ALPK2: variants seen among roughly 807,000 people sequenced by gnomAD.
ALPK2 encodes alpha-protein kinase 2.
ALPK2 carries 127 observed loss-of-function variants against 163.1 expected under a neutral mutation model. The ratio of observed to expected loss-of-function variants is 0.78; its 90% CI spans 0.67 to 0.90. ALPK2 has a LOEUF of 0.90. Ranked by LOEUF, ALPK2 falls within the 40% of genes least tolerant of loss-of-function variation. ALPK2 has a pLI of 0.00. For synonymous variants in ALPK2, 953 were observed against 959.1 expected (o/e 0.99, Z 0.12); for missense variants, 2,360 against 2,589.6 (o/e 0.91, Z 1.92).
At position 58,534,999 on chromosome 18, in the gene ALPK2, T is replaced by C. The variant is rs17065127; in HGVS notation, c.5188A>G (p.Lys1730Glu). The change falls in exon 5 of 13, where the codon AAA (lysine) becomes GAA (glutamate). Residue 1730 changes from lysine (K) to glutamate (E), a missense_variant. Lys to Glu is a moderately conservative substitution (Grantham distance 56). Transcript: ENST00000361673. ...SGHLAEGVKK[K>E]ILSRVAALRL... ...AGTGCTGCCACCCTGGACAAAATTT[T>C]CTTCTTTACTCCCTCAGCTAAATGT... The C allele has an allele frequency of 0.026, 41,469 of 1,614,132 alleles. 922 individuals carry two copies. The highest frequency in any genetic ancestry group is 0.11 in the African/African-American group (8,330 of 75,018).
At chr18:58,578,742 A>ATGCGCG in intron 4 of ALPK2, 72 bp downstream of exon 4, 1 of 1,232,036 alleles carries the variant, frequency 8.1e-7, no homozygotes, top group Non-Finnish European at 1.1e-6. Context: ...AGACACACAC[A>ATGCGCG]CACACACACA....
intron 1 of ALPK2, among the ~76,000 whole-genome samples, chr18:58,613,783 G>A (rs1042368339): frequency 1.3e-4 from 20 of 151,462 alleles, no homozygotes; most frequent in South Asian, 4.2e-4. Flanking sequence ...TCAGGGCCCC[G>A]TGTGAAGACA....
At chr18:58,575,356 A>G (rs1187449164) in intron 4 of ALPK2, among the ~76,000 whole-genome samples, 4 of 152,248 alleles carry the variant, frequency 2.6e-5, no homozygotes, top group South Asian at 2.1e-4. Context: ...ATCAGCGAAC[A>G]GAATACACTG....
chr18:58,577,109 C>T (rs1568090708), intron 4 of ALPK2, among the ~76,000 whole-genome samples: 1 of 152,194 alleles, frequency 6.6e-6, no homozygotes, highest in East Asian at 1.9e-4. Context: ...GATAGATGAC[C>T]TGGGTCCCAG....
At chr18:58,555,592 T>A (rs1163739440) in intron 4 of ALPK2, among the ~76,000 whole-genome samples, 1 of 152,214 alleles carries the variant, frequency 6.6e-6, no homozygotes, top group African/African-American at 2.4e-5. Context: ...TCTGGAAATG[T>A]CCTTGCCAAC....
At chr18:58,623,450 G>A (rs1188765473) in intron 1 of ALPK2, among the ~76,000 whole-genome samples, 1 of 152,056 alleles carries the variant, frequency 6.6e-6, no homozygotes, top group Non-Finnish European at 1.5e-5. Flanking sequence ...CAGTACTGCA[G>A]CCAACGGTTC....
intron 5 of ALPK2, among the ~76,000 whole-genome samples, chr18:58,532,738 C>T (rs983781296): frequency 6.6e-6 from 1 of 152,172 alleles, no homozygotes; most frequent in Admixed American, 6.5e-5. Context: ...AGGCCATGTG[C>T]CATTCAAATT....
chr18:58,609,022 C>G (rs1028972003), intron 2 of ALPK2, among the ~76,000 whole-genome samples: 1 of 151,318 alleles, frequency 6.6e-6, no homozygotes, highest in East Asian at 1.9e-4. Flanking sequence ...GAAAGACAAA[C>G]GAAGTACAGA....
Position 58,482,001 on chromosome 18 carries a change from A to G in ALPK2, c.6335T>C (p.Ile2112Thr), listed in dbSNP as rs150798338. The G allele has an allele frequency of 1.8e-4, 291 of 1,614,066 alleles. No homozygotes were observed. Among genetic ancestry groups the G allele is most frequent in the South Asian group, 3.3e-4 (30 of 91,078 alleles). ...CTGGTGTAGTGCTTTAAACTGATCA[A>G]TGAAGGTCATGGAACAGTTGCCTTT... Reference protein sequence around the residue: ...GFKGNCSMTFIDQFKALHQCN... With the variant: ...GFKGNCSMTFTDQFKALHQCN... The change falls in exon 13 of 13, where the codon ATT (isoleucine) becomes ACT (threonine). Residue 2112 changes from isoleucine to threonine, a missense_variant. By Grantham distance (89) the Ile-to-Thr change is moderately conservative. Coordinates refer to ENST00000361673, the MANE Select transcript of ALPK2 (RefSeq NM_052947.4).
chr18:58,561,560 A>T (rs908027408), intron 4 of ALPK2, among the ~76,000 whole-genome samples: 15 of 152,138 alleles, frequency 9.9e-5, no homozygotes, highest in African/African-American at 3.1e-4. Context: ...AGAAAGGGGG[A>T]ATATAAGATG....
At chr18:58,573,402 A>G (rs1215149156) in intron 4 of ALPK2, among the ~76,000 whole-genome samples, 13 of 137,846 alleles carry the variant, frequency 9.4e-5, no homozygotes, top group African/African-American at 2.8e-4. Context: ...ATATGTGTGT[A>G]TATATATATG....
chr18:58,523,859 A>G lies in ALPK2; in HGVS notation c.5630-18T>C, dbSNP rs1302269594. 1 of 1,614,112 alleles carries G rather than the reference A, an allele frequency of 6.2e-7. No individual in the cohort carries two copies. Among genetic ancestry groups the G allele is most frequent in the African/African-American group, 1.3e-5 (1 of 74,950 alleles). The stretch of plus-strand genomic sequence containing the variant: ...TTTGAGAACTAGAAGAAGACAAAGC[A>G]GAGAATGGCTTCAGTACAGATGTCC... On this transcript the variant is annotated intron_variant, in intron 7 of 12. Transcript: ENST00000361673.
chr18:58,574,824 G>A (rs2051910669), intron 4 of ALPK2, among the ~76,000 whole-genome samples: 1 of 152,196 alleles, frequency 6.6e-6, no homozygotes, highest in African/African-American at 2.4e-5. Context: ...CCTATTAGCA[G>A]AGAGTTGGCC....
rs748287332 is a variant in ALPK2, at chr18:58,535,521, CA to C, written c.4665del (p.Asp1556ThrfsTer17). Reference sequence around the variant, plus strand: ...ATTTGGCCTGTGGAGTTGTGCGTGTCAACCCCAAGAGAAGCGTGAGTCATTA... The same window carrying C: ...ATTTGGCCTGTGGAGTTGTGCGTGTCACCCCAAGAGAAGCGTGAGTCATTA... ...LPIMTHASLGVDTHNSTGQIH... is the reference protein window; with the variant it reads ...LPIMTHASLGXDTHNSTGQIH... On this transcript the variant is annotated frameshift_variant, in exon 5 of 13. Coordinates refer to ENST00000361673, the MANE Select transcript of ALPK2 (RefSeq NM_052947.4). 9.3e-6 allele frequency: 15 copies of C among 1,614,144 alleles called. No individual in the cohort carries two copies. In the African/African-American group the frequency reaches 1.7e-4, roughly 19 times the overall value.
intron 2 of ALPK2, among the ~76,000 whole-genome samples, chr18:58,608,966 AAAAAG>A (rs541331945): frequency 1.1e-4 from 17 of 151,632 alleles, no homozygotes; most frequent in East Asian, 5.8e-4. Flanking sequence ...TCAAAAAAAA[AAAAAG>A]AAAAGAAAAG....
intron 5 of ALPK2, among the ~76,000 whole-genome samples, chr18:58,532,781 T>C (rs2051622908): frequency 6.6e-6 from 1 of 152,204 alleles, no homozygotes; most frequent in Non-Finnish European, 1.5e-5. Flanking sequence ...AGGAGTCTTA[T>C]CATTAGCACC....
rs371254825 is a variant in ALPK2 at position 58,536,557 on chromosome 18, G to A, written c.3630C>T (p.Asn1210=). ...AGEEDSQALS[N]VPSLSDILLE... ...AAAGGATATCAGAGAGAGATGGAAC[G>A]TTGCTCAGAGCCTGACTGTCTTCTT... The change falls in exon 5 of 13, where the codon AAC becomes AAT. Residue 1210 remains asparagine (N), a synonymous_variant. Coordinates refer to ENST00000361673, the MANE Select transcript of ALPK2 (RefSeq NM_052947.4). The A allele has an allele frequency of 7.6e-5, 122 of 1,613,746 alleles. No homozygotes were observed. Among genetic ancestry groups the A allele is most frequent in the African/African-American group, 1.1e-4 (8 of 74,886 alleles).
Position 58,546,236 on chromosome 18 carries a change from C to T in ALPK2, c.1963-8012G>A, listed in dbSNP as rs146697139. 4.5e-4 allele frequency among the ~76,000 whole-genome samples: 68 copies of T among 152,338 alleles called. 1 individual carries two copies. In the East Asian group the frequency reaches 0.013, roughly 28 times the overall value. On this transcript the variant is annotated intron_variant, in intron 4 of 12. Transcript: ENST00000361673. Reference sequence around the variant, plus strand: ...TGACCAGCTCTTCTTCATTCCATTCCCTCCTAAGGGACAAGAAATCCTCAG... The same window carrying T: ...TGACCAGCTCTTCTTCATTCCATTCTCTCCTAAGGGACAAGAAATCCTCAG...
chr18:58,525,244 C>T (rs913739258), intron 6 of ALPK2, among the ~76,000 whole-genome samples: 3 of 152,192 alleles, frequency 2.0e-5, no homozygotes, highest in Admixed American at 6.5e-5. Context: ...AAACAAAGTT[C>T]ACTAAACCAT....
Sources: allele counts gnomAD v4.1 joint callset (sites outside exome capture counted in the v4.1 genomes callset), GRCh38; gene constraint gnomAD v4.1.1; transcripts MANE v1.5; gene names NCBI Gene and HGNC (gene_info 2026-07-23, HGNC 2026-07-21).